Variants in GRM8 observed in about 807,000 individuals in gnomAD.
GRM8 encodes glutamate metabotropic receptor 8.
In GRM8, 47 loss-of-function variants were observed where a neutral mutation model predicts 87.2. The ratio of observed to expected loss-of-function variants is 0.54; its 90% CI spans 0.43 to 0.69. GRM8 has a LOEUF of 0.69. Among genes scored for constraint, GRM8 ranks in the 30% least tolerant of loss-of-function variants. GRM8 has a pLI of 0.00. For synonymous variants in GRM8, 396 were observed against 404.5 expected (o/e 0.98, Z 0.25); for missense variants, 1,019 against 1,139.2 (o/e 0.89, Z 1.52).
intron 3 of GRM8, among the ~76,000 whole-genome samples, chr7:126,930,511 T>A (rs1039320716): frequency 6.6e-6 from 1 of 152,198 alleles, no homozygotes; most frequent in African/African-American, 2.4e-5. Context: ...GAATGTCAGA[T>A]GAGGTCTCAG....
At chr7:127,003,249 T>C (rs762245687) in intron 3 of GRM8, among the ~76,000 whole-genome samples, 2 of 151,798 alleles carry the variant, frequency 1.3e-5, no homozygotes, top group Non-Finnish European at 3.0e-5. Context: ...GTTTACTTCG[T>C]TAAATGAATT....
chr7:127,022,061 G>A (rs910435667), intron 3 of GRM8, among the ~76,000 whole-genome samples: 2 of 152,048 alleles, frequency 1.3e-5, no homozygotes, highest in Admixed American at 6.6e-5. Context: ...TTCTGGCTAG[G>A]AACTAGCTGG....
intron 2 of GRM8, among the ~76,000 whole-genome samples, chr7:127,224,957 A>G (rs1457500946): frequency 6.6e-6 from 1 of 152,184 alleles, no homozygotes; most frequent in Non-Finnish European, 1.5e-5. Flanking sequence ...ATAAAATGAC[A>G]ATAATAGTAG....
intron 3 of GRM8, among the ~76,000 whole-genome samples, chr7:127,071,560 G>A (rs1214226260): frequency 2.0e-5 from 3 of 152,136 alleles, no homozygotes; most frequent in Non-Finnish European, 4.4e-5. Context: ...AGCCCCTGAC[G>A]GGGGATTCAT....
At chr7:126,922,465 A>C (rs1330536661) in intron 3 of GRM8, among the ~76,000 whole-genome samples, 1 of 152,144 alleles carries the variant, frequency 6.6e-6, no homozygotes. Flanking sequence ...TTTTGTGAAA[A>C]ATGGAGACAA....
chr7:126,606,049 G>A (rs1310322629), intron 8 of GRM8, among the ~76,000 whole-genome samples: 3 of 152,248 alleles, frequency 2.0e-5, no homozygotes, highest in Non-Finnish European at 2.9e-5. Flanking sequence ...AACTGCCTAG[G>A]TGATGATATC....
At chr7:127,154,189 G>A (rs1267170682) in intron 2 of GRM8, among the ~76,000 whole-genome samples, 1 of 152,048 alleles carries the variant, frequency 6.6e-6, no homozygotes, top group Non-Finnish European at 1.5e-5. Context: ...TTCCAACTTT[G>A]CAAAAGGCAC....
chr7:127,160,386 C>CA (rs1322722706), intron 2 of GRM8, among the ~76,000 whole-genome samples: 2 of 152,118 alleles, frequency 1.3e-5, no homozygotes, highest in African/African-American at 4.8e-5. Context: ...AAAATTAAAA[C>CA]AAAAACTCAC....
rs912163635 is a variant in GRM8, at chr7:126,685,828, CTCAGTGATGCCCTACCT to C, written c.1358-76347_1358-76331del. Among the ~76,000 whole-genome samples, 2 of 152,010 alleles carry C rather than the reference CTCAGTGATGCCCTACCT, an allele frequency of 1.3e-5. No homozygotes were observed. The highest frequency in any genetic ancestry group is 4.8e-5 in the African/African-American group (2 of 41,404). On this transcript the variant is annotated intron_variant, in intron 7 of 10. Coordinates refer to ENST00000339582, the MANE Select transcript of GRM8 (RefSeq NM_000845.3). The surrounding 1 kb of genome is among the most constrained non-coding windows in gnomAD (Gnocchi z 4.2). ...GCTCCTGGGCAGAAGGGGGAAGGTC[CTCAGTGATGCCCTACCT>C]TCAAGCTGAGGAGGGCCTGAACCCT...
intron 7 of GRM8, among the ~76,000 whole-genome samples, chr7:126,718,376 G>C (rs1328659132): frequency 6.6e-6 from 1 of 152,074 alleles, no homozygotes; most frequent in Non-Finnish European, 1.5e-5. Flanking sequence ...GACTATTTTA[G>C]GCTCAAGCTC....
chr7:126,529,197 T>A (rs1301265709), intron 9 of GRM8, among the ~76,000 whole-genome samples: 2 of 151,920 alleles, frequency 1.3e-5, no homozygotes, highest in Non-Finnish European at 2.9e-5. Context: ...AAAAAAAAAA[T>A]TGTTATAATG....
intron 8 of GRM8, among the ~76,000 whole-genome samples, chr7:126,600,310 G>A (rs1320348444): frequency 2.6e-5 from 4 of 151,908 alleles, no homozygotes; most frequent in East Asian, 1.9e-4. Context: ...TTTTTCAATC[G>A]AACACAGACA....
chr7:127,100,662 G>C (rs768343177), intron 3 of GRM8, among the ~76,000 whole-genome samples: 6 of 152,156 alleles, frequency 3.9e-5, no homozygotes, highest in Admixed American at 6.5e-5. Flanking sequence ...GCTTGTGCAG[G>C]GGAACTCCCA....
chr7:126,615,855 G>A (rs1473747756), intron 7 of GRM8, among the ~76,000 whole-genome samples: 7 of 152,074 alleles, frequency 4.6e-5, no homozygotes, highest in Non-Finnish European at 1.0e-4. Flanking sequence ...CCCAATACAG[G>A]AGCACCCAGA....
chr7:126,841,269 A>C (rs1175557826), intron 6 of GRM8, among the ~76,000 whole-genome samples: 1 of 152,202 alleles, frequency 6.6e-6, no homozygotes, highest in East Asian at 1.9e-4. Context: ...AACAGAAGTC[A>C]CTTGGAGGTA....
chr7:126,802,251 G>A (rs182467508), intron 6 of GRM8, among the ~76,000 whole-genome samples: 2 of 152,202 alleles, frequency 1.3e-5, no homozygotes, highest in Admixed American at 6.5e-5. Context: ...GCTTCTAACT[G>A]TAGTCAGGGT....
chr7:126,590,307 A>G (rs942369420), intron 8 of GRM8, among the ~76,000 whole-genome samples: 1 of 152,000 alleles, frequency 6.6e-6, no homozygotes, highest in African/African-American at 2.4e-5. Context: ...AGGTTTTTGA[A>G]ATAATCCAAT....
At position 126,979,405 on chromosome 7, in the gene GRM8, C is replaced by T. The variant is rs144947776; in HGVS notation, c.728-74722G>A. On this transcript the variant is annotated intron_variant, in intron 3 of 10. Transcript: ENST00000339582. ...AATGTTCATCTAATTTAATACATAG[C>T]TAAATACATAGAAGTATTTTTTAGT... is the stretch of plus-strand genomic sequence containing the variant. 8.5e-5 allele frequency among the ~76,000 whole-genome samples: 13 copies of T among 152,278 alleles called. No individual in the cohort carries two copies. The East Asian group carries it at 2.3e-3, about 27-fold the overall frequency.
chr7:126,564,523 A>C (rs1173423795), intron 8 of GRM8, among the ~76,000 whole-genome samples: 1 of 152,218 alleles, frequency 6.6e-6, no homozygotes, highest in Non-Finnish European at 1.5e-5. Flanking sequence ...ACTTACCAAG[A>C]CTGAATCATT....
Sources: gnomAD v4.1 joint callset for allele counts (sites outside exome capture counted in the v4.1 genomes callset) on GRCh38, gnomAD v4.1.1 for gene constraint, Gnocchi (gnomAD v3.1) non-coding constraint, MANE v1.5 for transcripts, NCBI Gene and HGNC (gene_info 2026-07-23, HGNC 2026-07-21) for gene names.